Variants in ADORA2A observed in about 807,000 individuals in gnomAD.
The protein encoded by ADORA2A is adenosine receptor A2a.
In ADORA2A, 11 loss-of-function variants were observed where a neutral mutation model predicts 18.4. The observed-to-expected ratio is 0.60, with a 90% CI of 0.38 to 0.99. The LOEUF (loss-of-function observed/expected upper bound fraction) is 0.99. ADORA2A is among the 50% of genes least tolerant of loss of function. The pLI, the probability that ADORA2A is intolerant of heterozygous loss-of-function variation, is 0.01. For missense variants in ADORA2A, 449 were observed against 556.1 expected (o/e 0.81, Z 1.94); for synonymous variants, 218 against 237.3 (o/e 0.92, Z 0.75).
chr22:24,433,363 C>T lies in ADORA2A; in HGVS notation c.-42C>T. The T allele has an allele frequency of 1.3e-6, 2 of 1,544,376 alleles. No homozygotes were observed. The highest frequency in any genetic ancestry group is 1.2e-5 in the South Asian group (1 of 85,750). On this transcript the variant is annotated 5_prime_UTR_variant, in exon 2 of 3. Coordinates refer to ENST00000337539, the MANE Select transcript of ADORA2A (RefSeq NM_000675.6). ...GCTGCAGCAATGGACCGTGAGCTGG[C>T]CCAGCCCGCGTCCGTGCTGAGCCTG...
Position 24,433,687 on chromosome 22 carries a change from C to T in ADORA2A, c.283C>T (p.Leu95Phe). The stretch of plus-strand genomic sequence containing the variant: ...CCTCACGCAGAGCTCCATCTTCAGT[C>T]TCCTGGCCATCGCCATTGACCGCTA... ...LVLTQSSIFSLLAIAIDRYIA... is the reference protein window; with the variant it reads ...LVLTQSSIFSFLAIAIDRYIA... Residue 95 changes from leucine to phenylalanine, a missense_variant, in exon 2 of 3, where the codon CTC (leucine) becomes TTC (phenylalanine). Transcript: ENST00000337539. 1.2e-6 allele frequency: 2 copies of T among 1,611,596 alleles called. No individual in the cohort carries two copies. The highest frequency in any genetic ancestry group is 1.7e-6 in the Non-Finnish European group (2 of 1,180,030).
At position 24,433,311 on chromosome 22, in the gene ADORA2A, C is replaced by T. The variant is rs199658289; in HGVS notation, c.-94C>T. 58 of 1,286,104 alleles carry T rather than the reference C, an allele frequency of 4.5e-5. 1 individual carries two copies. The South Asian group carries it at 6.5e-4, about 14-fold the overall frequency. 79.7% of individuals were successfully genotyped at this position (1,286,104 alleles called of 1,614,324 possible). Reference sequence around the variant, plus strand: ...GGGGTCTGGGCCCCTCCGCCTGGGCCGGGCTGGGAGCCAGGCGGGCGGCTG... The same window carrying T: ...GGGGTCTGGGCCCCTCCGCCTGGGCTGGGCTGGGAGCCAGGCGGGCGGCTG... On this transcript the variant is annotated 5_prime_UTR_variant, in exon 2 of 3. Coordinates refer to ENST00000337539, the MANE Select transcript of ADORA2A (RefSeq NM_000675.6).
intron 1 of ADORA2A, chr22:24,429,210 G>A (rs1018498722): frequency 1.3e-5 from 2 of 152,306 alleles, no homozygotes; most frequent in African/African-American, 2.4e-5. Context: ...TGTGGGTTTT[G>A]ATTAAATGGA....
intron 2 of ADORA2A, among the ~76,000 whole-genome samples, chr22:24,436,333 GCT>G (rs1315515791): frequency 6.6e-6 from 1 of 152,096 alleles, no homozygotes; most frequent in African/African-American, 2.4e-5. Flanking sequence ...GCCGTTTCCT[GCT>G]CCACTCAGAA....
chr22:24,431,647 G>A (rs911426396), intron 1 of ADORA2A: 9 of 381,810 alleles, frequency 2.4e-5, no homozygotes, highest in African/African-American at 1.7e-4. Flanking sequence ...AGGTGGTGGC[G>A]GCTGGCAACA....
intron 2 of ADORA2A, among the ~76,000 whole-genome samples, chr22:24,437,874 C>T (rs2043218209): frequency 6.6e-6 from 1 of 152,266 alleles, no homozygotes; most frequent in African/African-American, 2.4e-5. Flanking sequence ...TCTGGTGTCC[C>T]CACCAATTCA....
chr22:24,436,233 T>C (rs954813950), intron 2 of ADORA2A, among the ~76,000 whole-genome samples: 4 of 152,182 alleles, frequency 2.6e-5, no homozygotes, highest in African/African-American at 4.8e-5. Flanking sequence ...GAAAGGAACT[T>C]GGTGACACTC....
At chr22:24,424,504 C>G (rs922812832), upstream of ADORA2A, 1 of 151,758 alleles carries the variant, frequency 6.6e-6, no homozygotes, top group African/African-American at 2.4e-5. This position sits in a 1 kb window ranked among gnomAD's most constrained non-coding sequence, Gnocchi z 4.9. Flanking sequence ...GGCCCCGGGG[C>G]GAGGGAGATT....
At position 24,441,413 on chromosome 22, in the gene ADORA2A, A is replaced by G; in HGVS notation, c.1163A>G (p.His388Arg). 1 of 1,552,724 alleles carries G rather than the reference A, an allele frequency of 6.4e-7. No homozygotes were observed. The highest frequency in any genetic ancestry group is 1.4e-5 in the African/African-American group (1 of 73,368). Reference protein sequence around the residue: ...TGLPDVELLSHELKGVCPEPP... With the variant: ...TGLPDVELLSRELKGVCPEPP... ...CTCCCAGACGTGGAGCTCCTTAGCC[A>G]TGAGCTCAAGGGAGTGTGCCCAGAG... Residue 388 changes from histidine to arginine, a missense_variant, in exon 3 of 3, where the codon CAT (histidine) becomes CGT (arginine). His to Arg is a conservative substitution (Grantham distance 29). Coordinates refer to ENST00000337539, the MANE Select transcript of ADORA2A (RefSeq NM_000675.6).
At chr22:24,427,145 G>C (rs2042927288), upstream of ADORA2A, among the ~76,000 whole-genome samples, 1 of 152,196 alleles carries the variant, frequency 6.6e-6, no homozygotes, top group Admixed American at 6.5e-5. Flanking sequence ...GAGGCCCCGG[G>C]CTGGTCTGCC....
chr22:24,424,825 G>A (rs538589650), upstream of ADORA2A, among the ~76,000 whole-genome samples: 1 of 152,176 alleles, frequency 6.6e-6, no homozygotes, highest in East Asian at 1.9e-4. The surrounding 1 kb of genome is among the most constrained non-coding windows in gnomAD (Gnocchi z 4.9). Context: ...AAGGGCTTGA[G>A]GAGGAGGCCG....
At chr22:24,424,833 C>A (rs1414444023), upstream of ADORA2A, among the ~76,000 whole-genome samples, 2 of 151,784 alleles carry the variant, frequency 1.3e-5, no homozygotes, top group East Asian at 1.9e-4. This position sits in a 1 kb window ranked among gnomAD's most constrained non-coding sequence, Gnocchi z 4.9. Flanking sequence ...GAGGAGGAGG[C>A]CGCGGGCCGG....
At chr22:24,429,023 C>G (rs1034935770) in intron 1 of ADORA2A, among the ~76,000 whole-genome samples, 1 of 152,222 alleles carries the variant, frequency 6.6e-6, no homozygotes, top group Non-Finnish European at 1.5e-5. Context: ...GGAGCGGGTC[C>G]GAGTCCGTGC....
At chr22:24,425,516 C>G (rs1057477747), upstream of ADORA2A, among the ~76,000 whole-genome samples, 2 of 152,222 alleles carry the variant, frequency 1.3e-5, no homozygotes, top group Non-Finnish European at 2.9e-5. Context: ...CATCCGTGTC[C>G]CCTGTTTCCC....
chr22:24,436,877 G>T (rs1282037858), intron 2 of ADORA2A, among the ~76,000 whole-genome samples: 1 of 152,188 alleles, frequency 6.6e-6, no homozygotes, highest in Admixed American at 6.5e-5. Context: ...CCTGAGGAAG[G>T]AATGAGCATG....
At chr22:24,439,220 T>C (rs975434918) in intron 2 of ADORA2A, 1 of 151,634 alleles carries the variant, frequency 6.6e-6, no homozygotes, top group Non-Finnish European at 1.5e-5. Context: ...GTAGCTGGGA[T>C]TACAGGCCCC....
rs760924168 is a variant in ADORA2A, at chr22:24,433,738, T to C, written c.332+2T>C. The C allele has an allele frequency of 6.2e-7, 1 of 1,603,376 alleles. No homozygotes were observed. Among genetic ancestry groups the C allele is most frequent in the Non-Finnish European group, 8.5e-7 (1 of 1,179,376 alleles). The stretch of plus-strand genomic sequence containing the variant: ...CATTGCCATCCGCATCCCGCTCCGG[T>C]GAGCAGGGCCGGGGTTACATCTGTG... On this transcript the variant is annotated splice_donor_variant, in intron 2 of 2. Coordinates refer to ENST00000337539, the MANE Select transcript of ADORA2A (RefSeq NM_000675.6). LOFTEE classifies it high-confidence loss of function.
At chr22:24,433,761 G>C (rs2043105730) in intron 2 of ADORA2A, 25 bp downstream of exon 2, 1 of 1,587,860 alleles carries the variant, frequency 6.3e-7, no homozygotes, top group South Asian at 1.1e-5. Flanking sequence ...GGTTACATCT[G>C]TGCAAAGGCT....
At chr22:24,434,833 A>ATCT (rs1177316511) in intron 2 of ADORA2A, among the ~76,000 whole-genome samples, 1 of 152,222 alleles carries the variant, frequency 6.6e-6, no homozygotes, top group Non-Finnish European at 1.5e-5. Flanking sequence ...ATTTCCTCTC[A>ATCT]TCTTCGGGAT....
Sources: allele counts gnomAD v4.1 joint callset (sites outside exome capture counted in the v4.1 genomes callset), GRCh38; gene constraint gnomAD v4.1.1; non-coding constraint Gnocchi (gnomAD v3.1); transcripts MANE v1.5; gene names NCBI Gene and HGNC (gene_info 2026-07-23, HGNC 2026-07-21).